MYO5A: variants seen among roughly 807,000 people sequenced by gnomAD.
MYO5A encodes myosin VA.
Under a neutral mutation model 249.7 loss-of-function variants are expected in MYO5A, and 98 were observed. That is an observed-to-expected ratio of 0.39 (90% CI 0.33 to 0.46). The LOEUF is 0.46. Ranked by LOEUF, MYO5A falls within the 20% of genes least tolerant of loss-of-function variation. The pLI is 0.98. For synonymous variants in MYO5A, 778 were observed against 810.6 expected (o/e 0.96, Z 0.68); for missense variants, 1,696 against 2,308.8 (o/e 0.73, Z 5.44).
upstream of MYO5A, chr15:52,528,915 C>T (rs1381604843): frequency 6.9e-5 from 71 of 1,032,658 alleles, no homozygotes; most frequent in Admixed American, 9.7e-5. Flanking sequence ...GGGAGCAGGG[C>T]AGGGCAGGGC....
chr15:52,422,858 A>T (rs2075309804), intron 4 of MYO5A, among the ~76,000 whole-genome samples: 1 of 152,146 alleles, frequency 6.6e-6, no homozygotes, highest in African/African-American at 2.4e-5. Flanking sequence ...CTGGGACTAA[A>T]GGCACAGGCC....
At chr15:52,320,570 T>C (rs8035121) in intron 38 of MYO5A, among the ~76,000 whole-genome samples, 148,817 of 152,312 alleles carry the variant, frequency 0.98, 72,801 homozygotes, top group Middle Eastern at 1. Flanking sequence ...CCATGGCTTC[T>C]TCAGCTTTTG....
At chr15:52,444,432 A>T (rs2075847391) in intron 1 of MYO5A, among the ~76,000 whole-genome samples, 1 of 152,234 alleles carries the variant, frequency 6.6e-6, no homozygotes, top group Non-Finnish European at 1.5e-5. Context: ...ACTTTACTTA[A>T]CCTCATAATA....
chr15:52,452,814 C>T (rs2076046640), intron 1 of MYO5A, among the ~76,000 whole-genome samples: 1 of 149,480 alleles, frequency 6.7e-6, no homozygotes, highest in Non-Finnish European at 1.5e-5. Context: ...CGCCACTGTA[C>T]TCCAGCCTGA....
rs1005107158 is a variant in MYO5A at position 52,308,161 on chromosome 15, C to T, written c.*5535G>A. The T allele has an allele frequency of 7.2e-5, 11 of 152,098 alleles. No individual in the cohort carries two copies. The highest frequency in any genetic ancestry group is 2.4e-4 in the African/African-American group (10 of 41,416). The allele number at this position is 152,098 out of a possible 1,614,324, so 9.4% of individuals were successfully genotyped here. A position where few individuals can be genotyped will look rare whatever the true frequency, so the allele number is the denominator to read the frequency against. On this transcript the variant is annotated 3_prime_UTR_variant, in exon 42 of 42. Coordinates refer to ENST00000399233, the MANE Select transcript of MYO5A (RefSeq NM_001382347.1). ...TTCAAGCATTACAATACTGAGGAAA[C>T]GTTAGTCATATGAATCCAATAACGC...
At chr15:52,368,166 G>A (rs2040908337) in intron 22 of MYO5A, among the ~76,000 whole-genome samples, 1 of 152,162 alleles carries the variant, frequency 6.6e-6, no homozygotes, top group African/African-American at 2.4e-5. Flanking sequence ...TTTAGGACAG[G>A]AAAAGAGGGC....
chr15:52,377,869 C>T (rs1013603244), intron 18 of MYO5A, among the ~76,000 whole-genome samples: 1 of 152,102 alleles, frequency 6.6e-6, no homozygotes, highest in Admixed American at 6.5e-5. Context: ...CCATGCTTGG[C>T]CATGTGATCT....
chr15:52,528,924 G>T, upstream of MYO5A: 2 of 942,938 alleles, frequency 2.1e-6, no homozygotes, highest in Non-Finnish European at 2.6e-6. Flanking sequence ...GCAGGGCAGG[G>T]CCGGGCGGGG....
intron 28 of MYO5A, among the ~76,000 whole-genome samples, chr15:52,350,710 C>G (rs2141017911): frequency 6.6e-6 from 1 of 152,294 alleles, no homozygotes; most frequent in East Asian, 1.9e-4. Context: ...CATCTATATC[C>G]TCAGTGCAGG....
intron 30 of MYO5A, 65 bp from the exon 31 acceptor site, chr15:52,343,262 T>G: frequency 7.7e-7 from 1 of 1,304,358 alleles, no homozygotes; most frequent in Non-Finnish European, 1.1e-6. Context: ...GAGGTGACGA[T>G]GGTCAACAGC....
chr15:52,328,930 C>T (rs986782942), intron 35 of MYO5A, among the ~76,000 whole-genome samples: 5 of 152,230 alleles, frequency 3.3e-5, no homozygotes, highest in Non-Finnish European at 7.3e-5. Context: ...AGCTTACTTC[C>T]TTTGGTGTCT....
At chr15:52,528,683 C>T in intron 1 of MYO5A, 97 bp downstream of exon 1, 1 of 1,371,250 alleles carries the variant, frequency 7.3e-7, no homozygotes, top group Non-Finnish European at 9.6e-7. Context: ...TGGTGGGGCT[C>T]GCCTGGGCCC....
At chr15:52,422,064 G>A (rs574632694) in intron 4 of MYO5A, among the ~76,000 whole-genome samples, 1 of 152,154 alleles carries the variant, frequency 6.6e-6, no homozygotes, top group African/African-American at 2.4e-5. Context: ...GTTACAGCAT[G>A]AGAAAAGACT....
At chr15:52,506,692 C>T (rs1451674355) in intron 1 of MYO5A, among the ~76,000 whole-genome samples, 3 of 151,360 alleles carry the variant, frequency 2.0e-5, no homozygotes, top group African/African-American at 4.9e-5. Flanking sequence ...CAAAATTAGC[C>T]GGCGTGGTTG....
chr15:52,456,963 T>C (rs2076131472), intron 1 of MYO5A, among the ~76,000 whole-genome samples: 1 of 152,152 alleles, frequency 6.6e-6, no homozygotes. Flanking sequence ...CAAGCAGGAC[T>C]ATGTTAAACT....
intron 13 of MYO5A, among the ~76,000 whole-genome samples, chr15:52,388,920 T>C (rs1233566477): frequency 6.6e-6 from 1 of 151,934 alleles, no homozygotes; most frequent in Non-Finnish European, 1.5e-5. Context: ...ATTTCCAGCC[T>C]AACTGGGATA....
chr15:52,318,241 A>G (rs1269927665), intron 39 of MYO5A, among the ~76,000 whole-genome samples: 1 of 151,816 alleles, frequency 6.6e-6, no homozygotes, highest in Non-Finnish European at 1.5e-5. Flanking sequence ...GGATCACCTG[A>G]GGTCAGGAGT....
At chr15:52,428,004 G>T (rs978586392) in intron 3 of MYO5A, among the ~76,000 whole-genome samples, 1 of 152,114 alleles carries the variant, frequency 6.6e-6, no homozygotes, top group Non-Finnish European at 1.5e-5. Flanking sequence ...AGTTAGTTCT[G>T]CATGGCTGAG....
chr15:52,460,413 G>A lies in MYO5A; in HGVS notation c.28-27128C>T, dbSNP rs889440386. 7.9e-5 allele frequency among the ~76,000 whole-genome samples: 12 copies of A among 152,230 alleles called. No individual in the cohort carries two copies. In the South Asian group the frequency reaches 2.3e-3, roughly 29 times the overall value. On this transcript the variant is annotated intron_variant, in intron 1 of 41. Coordinates refer to ENST00000399233, the MANE Select transcript of MYO5A (RefSeq NM_001382347.1). ...CAATCCCGGCACCTCGGGAGGCCGA[G>A]GCTGGCAGACCACTCGCCGTCAGGA... is the stretch of plus-strand genomic sequence containing the variant.
Sources: allele counts gnomAD v4.1 joint callset (sites outside exome capture counted in the v4.1 genomes callset), GRCh38; gene constraint gnomAD v4.1.1; transcripts MANE v1.5; gene names NCBI Gene and HGNC (gene_info 2026-07-23, HGNC 2026-07-21).